AUTS2: variants seen among roughly 807,000 people sequenced by gnomAD.
AUTS2 encodes the protein activator of transcription and developmental regulator AUTS2, also known as autism susceptibility gene 2 protein.
Under a neutral mutation model 112.4 loss-of-function variants are expected in AUTS2, and 17 were observed. The observed-to-expected ratio is 0.15, with a 90% confidence interval of 0.10 to 0.23. AUTS2 has a LOEUF of 0.23. Among genes scored for constraint, AUTS2 ranks in the 10% least tolerant of loss-of-function variants. AUTS2 has a pLI of 1.00. For missense variants in AUTS2, 1,510 were observed against 1,701.6 expected (o/e 0.89, Z 1.98); for synonymous variants, 751 against 702.7 (o/e 1.07, Z -1.09).
Position 70,497,030 on chromosome 7 carries a change from C to T in AUTS2, c.690+61249C>T, listed in dbSNP as rs536888588. Among the ~76,000 whole-genome samples, 19 of 110,896 alleles carry T rather than the reference C, an allele frequency of 1.7e-4. No individual in the cohort carries two copies. In the East Asian group the frequency reaches 4.6e-3, roughly 27 times the overall value. The allele number at this position is 110,896 out of a possible 152,430, so 72.8% of individuals were successfully genotyped here. On this transcript the variant is annotated intron_variant, in intron 5 of 18. Transcript: ENST00000342771. ...ACACAGTCAGACACACACACACACC[C>T]CACACATGCACACATCACATCAGCG...
intron 4 of AUTS2, among the ~76,000 whole-genome samples, chr7:70,172,620 A>G (rs1808763677): frequency 6.6e-6 from 1 of 152,168 alleles, no homozygotes; most frequent in African/African-American, 2.4e-5. Flanking sequence ...ATAACTTGAA[A>G]ATATGTATAT....
chr7:70,303,433 C>T (rs568198008), intron 4 of AUTS2, among the ~76,000 whole-genome samples: 34 of 129,016 alleles, frequency 2.6e-4, no homozygotes, highest in Admixed American at 8.7e-4. Context: ...CGCGCGCGCG[C>T]GCACATACAC....
At chr7:70,482,123 A>G (rs1200551618) in intron 5 of AUTS2, among the ~76,000 whole-genome samples, 3 of 152,144 alleles carry the variant, frequency 2.0e-5, no homozygotes, top group African/African-American at 7.2e-5. Context: ...TTTGAAGATA[A>G]ATGATCGTAA....
chr7:69,645,041 G>A (rs926201820), intron 1 of AUTS2, among the ~76,000 whole-genome samples: 10 of 151,184 alleles, frequency 6.6e-5, no homozygotes, highest in African/African-American at 1.9e-4. Context: ...CCTGAGTAGC[G>A]GAGACTACTG....
chr7:69,757,428 A>G (rs1787986056), intron 1 of AUTS2, among the ~76,000 whole-genome samples: 1 of 152,178 alleles, frequency 6.6e-6, no homozygotes, highest in African/African-American at 2.4e-5. Flanking sequence ...GAATCCCAAT[A>G]TAGTGTTTAA....
Position 69,611,936 on chromosome 7 carries a change from C to CAAAA in AUTS2, c.309+11992_309+11995dup, listed in dbSNP as rs896215968. On this transcript the variant is annotated intron_variant, in intron 1 of 18. Transcript: ENST00000342771. ...TGGGCGACAGAGCGAGACTCCGTCT[C>CAAAA]AAAAAAAAAAAAAAAAAAAAATTGT... is the stretch of plus-strand genomic sequence containing the variant. 4.9e-4 allele frequency among the ~76,000 whole-genome samples: 42 copies of CAAAA among 85,766 alleles called. 11 individuals are homozygous for CAAAA. The highest frequency in any genetic ancestry group is 7.4e-4 in the East Asian group (2 of 2,692). The allele number at this position is 85,766 out of a possible 152,430, so 56.3% of individuals were successfully genotyped here.
chr7:69,991,372 A>G (rs1798736282), intron 2 of AUTS2, among the ~76,000 whole-genome samples: 1 of 152,160 alleles, frequency 6.6e-6, no homozygotes, highest in South Asian at 2.1e-4. Flanking sequence ...TGGGCTTCCT[A>G]GAATTAGCTG....
chr7:70,010,281 T>TG (rs1208130499), intron 2 of AUTS2, among the ~76,000 whole-genome samples: 3 of 152,100 alleles, frequency 2.0e-5, no homozygotes, highest in Non-Finnish European at 4.4e-5. Context: ...AAGTGGCTAG[T>TG]ACTACAGTCG....
intron 1 of AUTS2, among the ~76,000 whole-genome samples, chr7:69,770,745 G>T (rs1440681654): frequency 2.0e-5 from 3 of 152,080 alleles, no homozygotes; most frequent in Non-Finnish European, 4.4e-5. Flanking sequence ...TCCCCCTCCA[G>T]GCCAGTAGCT....
At chr7:70,352,382 G>T (rs775105233) in intron 4 of AUTS2, among the ~76,000 whole-genome samples, 6 of 152,150 alleles carry the variant, frequency 3.9e-5, no homozygotes, top group Non-Finnish European at 8.8e-5. Flanking sequence ...TTAATCTTCG[G>T]CTGCAATCCT....
At chr7:70,110,298 C>G (rs1174322252) in intron 2 of AUTS2, among the ~76,000 whole-genome samples, 3 of 152,168 alleles carry the variant, frequency 2.0e-5, no homozygotes, top group African/African-American at 7.2e-5. Context: ...GCTGGATAAT[C>G]TGAGATCAGG....
chr7:69,599,461 G>T lies in AUTS2; in HGVS notation c.-193G>T. On this transcript the variant is annotated 5_prime_UTR_variant, in exon 1 of 19. Coordinates refer to ENST00000342771, the MANE Select transcript of AUTS2 (RefSeq NM_015570.4). The surrounding 1 kb of genome is among the most constrained non-coding windows in gnomAD (Gnocchi z 7.0). ...TCCCCGTCCCTCCTCCCCTCTCTCCGCCCCTTCCCCCTTTTCTTTCTCCTC... is the reference window on the plus strand; with the variant it reads ...TCCCCGTCCCTCCTCCCCTCTCTCCTCCCCTTCCCCCTTTTCTTTCTCCTC... The T allele has an allele frequency of 4.5e-6, 2 of 440,760 alleles. No individual in the cohort carries two copies. The highest frequency in any genetic ancestry group is 3.6e-6 in the Non-Finnish European group (1 of 274,884). The allele number at this position is 440,760 out of a possible 1,614,324, so 27.3% of individuals were successfully genotyped here.
At chr7:69,705,713 C>T (rs1048347944) in intron 1 of AUTS2, among the ~76,000 whole-genome samples, 1 of 152,150 alleles carries the variant, frequency 6.6e-6, no homozygotes, top group African/African-American at 2.4e-5. Flanking sequence ...GCTAGGGCCA[C>T]TGTAACAAAG....
At chr7:70,159,552 T>TA (rs1807965393) in intron 4 of AUTS2, among the ~76,000 whole-genome samples, 1 of 152,202 alleles carries the variant, frequency 6.6e-6, no homozygotes, top group Non-Finnish European at 1.5e-5. Context: ...TTAGATGTGT[T>TA]ATGATTATAT....
intron 2 of AUTS2, among the ~76,000 whole-genome samples, chr7:70,057,697 TCTG>T (rs1802056890): frequency 6.6e-6 from 1 of 152,208 alleles, no homozygotes; most frequent in African/African-American, 2.4e-5. Context: ...CCCTAGACCC[TCTG>T]TTGTCCCTCT....
At chr7:70,224,186 G>T (rs905613572) in intron 4 of AUTS2, among the ~76,000 whole-genome samples, 7 of 152,034 alleles carry the variant, frequency 4.6e-5, no homozygotes, top group Non-Finnish European at 1.0e-4. Flanking sequence ...ATGATGGTGT[G>T]TGCCTGTAGA....
intron 2 of AUTS2, among the ~76,000 whole-genome samples, chr7:70,097,818 C>G (rs1804280725): frequency 6.6e-6 from 1 of 152,220 alleles, no homozygotes; most frequent in Non-Finnish European, 1.5e-5. Context: ...GACATGCATG[C>G]TTCATGCAAT....
At chr7:69,902,844 GTTT>G (rs1200558690) in intron 2 of AUTS2, among the ~76,000 whole-genome samples, 1 of 152,142 alleles carries the variant, frequency 6.6e-6, no homozygotes, top group Non-Finnish European at 1.5e-5. Context: ...GTTGGATTAT[GTTT>G]TTAAGTATAA....
intron 5 of AUTS2, among the ~76,000 whole-genome samples, chr7:70,629,818 GCT>G (rs1471757259): frequency 6.6e-6 from 1 of 151,202 alleles, no homozygotes; most frequent in Non-Finnish European, 1.5e-5. Flanking sequence ...TGGTCTTTTA[GCT>G]CCTGATCTCA....
Sources: gnomAD v4.1 joint callset for allele counts (sites outside exome capture counted in the v4.1 genomes callset) on GRCh38, gnomAD v4.1.1 for gene constraint, Gnocchi (gnomAD v3.1) non-coding constraint, MANE v1.5 for transcripts, NCBI Gene and HGNC (gene_info 2026-07-23, HGNC 2026-07-21) for gene names.